The following CCSER1 variants were observed in gnomAD, a reference collection of about 807,000 sequenced individuals.
CCSER1 encodes serine-rich coiled-coil domain-containing protein 1.
In CCSER1, 41 loss-of-function variants were observed where a neutral mutation model predicts 82.0. That is an observed-to-expected ratio of 0.50 (90% CI 0.39 to 0.65). The LOEUF (loss-of-function observed/expected upper bound fraction) is 0.65. Among genes scored for constraint, CCSER1 ranks in the 30% least tolerant of loss-of-function variants. The pLI is 0.00. For missense variants in CCSER1, 1,119 were observed against 1,064.2 expected, an observed-to-expected ratio of 1.05 and a Z score of -0.72; for synonymous variants, 414 against 383.9, an observed-to-expected ratio of 1.08 and a Z score of -0.92.
intron 6 of CCSER1, among the ~76,000 whole-genome samples, chr4:90,634,162 T>C (rs936776764): frequency 4.0e-5 from 6 of 151,770 alleles, no homozygotes; most frequent in African/African-American, 1.2e-4. Flanking sequence ...CAAACAAATA[T>C]ATTTTGATAT....
intron 7 of CCSER1, among the ~76,000 whole-genome samples, chr4:90,813,576 G>A (rs530612351): frequency 1.3e-4 from 20 of 152,200 alleles, no homozygotes; most frequent in East Asian, 3.9e-4. Context: ...TGCTATTCTC[G>A]TGATTGTGCA....
At chr4:91,102,652 ATATT>A (rs1278936672) in intron 10 of CCSER1, among the ~76,000 whole-genome samples, 2 of 152,212 alleles carry the variant, frequency 1.3e-5, no homozygotes, top group East Asian at 3.8e-4. Flanking sequence ...ACAAATGATA[ATATT>A]TATTTTGCTT....
chr4:90,778,365 G>C (rs2149596977), intron 7 of CCSER1, among the ~76,000 whole-genome samples: 1 of 152,128 alleles, frequency 6.6e-6, no homozygotes, highest in Admixed American at 6.5e-5. Flanking sequence ...AAATTTACTG[G>C]AGAAGATTAA....
chr4:91,441,136 C>T (rs1755103749), intron 10 of CCSER1, among the ~76,000 whole-genome samples: 1 of 152,132 alleles, frequency 6.6e-6, no homozygotes, highest in Non-Finnish European at 1.5e-5. Context: ...CAGGATCATC[C>T]TTATACCAAA....
intron 8 of CCSER1, among the ~76,000 whole-genome samples, chr4:90,831,487 C>T (rs1156854289): frequency 1.3e-5 from 2 of 152,118 alleles, no homozygotes; most frequent in African/African-American, 4.8e-5. Flanking sequence ...ACATTGATAA[C>T]CTGCTAGGAA....
chr4:90,342,078 A>G (rs1175887711), intron 3 of CCSER1, among the ~76,000 whole-genome samples: 3 of 152,178 alleles, frequency 2.0e-5, no homozygotes, highest in African/African-American at 4.8e-5. Context: ...AAAGTATTTA[A>G]TAAGACAATT....
intron 5 of CCSER1, among the ~76,000 whole-genome samples, chr4:90,556,637 G>A (rs192708922): frequency 6.6e-6 from 1 of 151,928 alleles, no homozygotes; most frequent in African/African-American, 2.4e-5. Flanking sequence ...AAGTAAGCTA[G>A]AGAAAAGAAA....
intron 3 of CCSER1, among the ~76,000 whole-genome samples, chr4:90,367,509 A>G (rs1746476665): frequency 1.3e-5 from 2 of 151,932 alleles, no homozygotes; most frequent in Non-Finnish European, 2.9e-5. Context: ...TTTTGTCTTT[A>G]GACAAACTTA....
chr4:90,833,822 C>A (rs1761444380), intron 8 of CCSER1, among the ~76,000 whole-genome samples: 1 of 152,198 alleles, frequency 6.6e-6, no homozygotes, highest in South Asian at 2.1e-4. Flanking sequence ...CTCCTCCCAA[C>A]AGCTGGTCTT....
At chr4:90,442,143 A>G (rs541044929) in intron 4 of CCSER1, among the ~76,000 whole-genome samples, 9 of 152,328 alleles carry the variant, frequency 5.9e-5, no homozygotes, top group African/African-American at 2.2e-4. Context: ...TTCTGATCAG[A>G]CAATCAAAAG....
Position 90,977,703 on chromosome 4 carries a change from A to C in CCSER1, c.2172+54256A>C, listed in dbSNP as rs937100137. 2.1e-4 allele frequency among the ~76,000 whole-genome samples: 32 copies of C among 151,570 alleles called. 3 individuals carry two copies. On this transcript the variant is annotated intron_variant, in intron 9 of 10. Coordinates refer to ENST00000509176, the MANE Select transcript of CCSER1 (RefSeq NM_001145065.2). The stretch of plus-strand genomic sequence containing the variant: ...ATGAACCTCTAATACAACATACATA[A>C]TCTTATATTGTAATCATTTGTTTGT...
At chr4:90,183,325 T>G (rs1397359355) in intron 1 of CCSER1, among the ~76,000 whole-genome samples, 1 of 151,986 alleles carries the variant, frequency 6.6e-6, no homozygotes, top group Non-Finnish European at 1.5e-5. Context: ...CTTGCAGGGG[T>G]AATAACTAAT....
intron 10 of CCSER1, among the ~76,000 whole-genome samples, chr4:91,176,085 C>T (rs778710254): frequency 3.3e-5 from 5 of 152,192 alleles, no homozygotes; most frequent in Non-Finnish European, 7.3e-5. Context: ...ATAGGGAATC[C>T]TTTCCCCATT....
chr4:90,282,362 C>G (rs1352998222), intron 1 of CCSER1, among the ~76,000 whole-genome samples: 1 of 151,528 alleles, frequency 6.6e-6, no homozygotes, highest in Non-Finnish European at 1.5e-5. Flanking sequence ...TATTTCTTAG[C>G]AAGTGTTAAG....
At chr4:90,274,067 G>A (rs914846019) in intron 1 of CCSER1, among the ~76,000 whole-genome samples, 44 of 152,018 alleles carry the variant, frequency 2.9e-4, no homozygotes, top group African/African-American at 1.1e-3. Context: ...ACATCTGTAG[G>A]TGCATACTAC....
At chr4:90,253,806 T>G (rs1336127054) in intron 1 of CCSER1, among the ~76,000 whole-genome samples, 4 of 152,114 alleles carry the variant, frequency 2.6e-5, no homozygotes, top group Non-Finnish European at 5.9e-5. Context: ...GGATTTTAGT[T>G]AGTCTCTTTT....
At chr4:91,397,038 T>A (rs1752027421) in intron 10 of CCSER1, among the ~76,000 whole-genome samples, 1 of 152,076 alleles carries the variant, frequency 6.6e-6, no homozygotes, top group Non-Finnish European at 1.5e-5. Context: ...GAAGCATCTT[T>A]GATATCTGGC....
At chr4:91,127,456 C>T (rs1370933953) in intron 10 of CCSER1, among the ~76,000 whole-genome samples, 3 of 152,040 alleles carry the variant, frequency 2.0e-5, no homozygotes, top group Non-Finnish European at 4.4e-5. Context: ...TATTATCATT[C>T]ACACAGAGAT....
chr4:91,143,613 A>G (rs1283297468), intron 10 of CCSER1, among the ~76,000 whole-genome samples: 1 of 152,130 alleles, frequency 6.6e-6, no homozygotes, highest in African/African-American at 2.4e-5. Context: ...AGGGTTTGTC[A>G]TAGATGGCTC....
Sources: gnomAD v4.1 joint callset for allele counts (sites outside exome capture counted in the v4.1 genomes callset) on GRCh38, gnomAD v4.1.1 for gene constraint, MANE v1.5 for transcripts, NCBI Gene and HGNC (gene_info 2026-07-23, HGNC 2026-07-21) for gene names.